The following ANKRD6 variants were observed in gnomAD, a reference collection of about 807,000 sequenced individuals.
ANKRD6 encodes ankyrin repeat domain-containing protein 6.
In ANKRD6, 56 loss-of-function variants were observed where a neutral mutation model predicts 82.3. The observed-to-expected ratio is 0.68, with a 90% confidence interval of 0.55 to 0.85. The LOEUF is 0.85. Among genes scored for constraint, ANKRD6 ranks in the 40% least tolerant of loss-of-function variants. The pLI, the probability that ANKRD6 is intolerant of heterozygous loss-of-function variation, is 0.00. For synonymous variants in ANKRD6, 347 were observed against 352.1 expected, an observed-to-expected ratio of 0.99 and a Z score of 0.16; for missense variants, 852 against 907.6, an observed-to-expected ratio of 0.94 and a Z score of 0.79.
At chr6:89,576,871 A>G (rs529009375) in intron 2 of ANKRD6, among the ~76,000 whole-genome samples, 2 of 151,990 alleles carry the variant, frequency 1.3e-5, no homozygotes, top group African/African-American at 4.8e-5. Flanking sequence ...CCATGTCTCC[A>G]TCTCCAGCTT....
chr6:89,619,542 T>G (rs1421984566), intron 9 of ANKRD6: 1 of 152,218 alleles, frequency 6.6e-6, no homozygotes, highest in Non-Finnish European at 1.5e-5. Context: ...CATTTCCCTG[T>G]GCAGTTCTTT....
chr6:89,452,229 T>C (rs1455793158), intron 1 of ANKRD6, among the ~76,000 whole-genome samples: 1 of 152,194 alleles, frequency 6.6e-6, no homozygotes, highest in African/African-American at 2.4e-5. Flanking sequence ...ACTAGCTAAG[T>C]AAATCGGATG....
intron 1 of ANKRD6, among the ~76,000 whole-genome samples, chr6:89,526,948 G>GCT (rs1782564184): frequency 6.6e-6 from 1 of 152,190 alleles, no homozygotes; most frequent in Non-Finnish European, 1.5e-5. Context: ...GTTGGATGAT[G>GCT]CTCACCTACA....
chr6:89,556,671 G>GC (rs1389781520), intron 1 of ANKRD6, among the ~76,000 whole-genome samples: 1 of 152,176 alleles, frequency 6.6e-6, no homozygotes, highest in Non-Finnish European at 1.5e-5. Context: ...TAAGGCAGTG[G>GC]CAGTACAGCT....
At chr6:89,484,308 G>C (rs1405982400) in intron 1 of ANKRD6, among the ~76,000 whole-genome samples, 2 of 152,124 alleles carry the variant, frequency 1.3e-5, no homozygotes, top group African/African-American at 4.8e-5. Context: ...CTTACCACAG[G>C]GTAGAGGATA....
chr6:89,488,304 G>A (rs1230117217), intron 1 of ANKRD6, among the ~76,000 whole-genome samples: 2 of 152,220 alleles, frequency 1.3e-5, no homozygotes, highest in East Asian at 3.8e-4. Flanking sequence ...ACATAATGAA[G>A]CTGGGTGTAG....
At chr6:89,435,654 T>A (rs552347416) in intron 1 of ANKRD6, among the ~76,000 whole-genome samples, 40 of 152,344 alleles carry the variant, frequency 2.6e-4, no homozygotes, top group African/African-American at 7.7e-4. Flanking sequence ...GTGTTCTGTC[T>A]GTGTAGGGGA....
At chr6:89,441,104 G>C (rs1201591190) in intron 1 of ANKRD6, among the ~76,000 whole-genome samples, 1 of 152,120 alleles carries the variant, frequency 6.6e-6, no homozygotes, top group Non-Finnish European at 1.5e-5. Flanking sequence ...GTGGCCCACT[G>C]TTACTTCACT....
At chr6:89,536,060 A>G (rs74714307) in intron 1 of ANKRD6, among the ~76,000 whole-genome samples, 383 of 152,324 alleles carry the variant, frequency 2.5e-3, no homozygotes, top group African/African-American at 8.6e-3. Flanking sequence ...TGGAAACACC[A>G]TCTCTACTAA....
At chr6:89,573,717 C>G (rs1167295954) in intron 2 of ANKRD6, among the ~76,000 whole-genome samples, 1 of 152,202 alleles carries the variant, frequency 6.6e-6, no homozygotes, top group Non-Finnish European at 1.5e-5. Flanking sequence ...GAAACCTAGG[C>G]AGAGAATTAT....
chr6:89,497,843 A>G (rs905240394), intron 1 of ANKRD6, among the ~76,000 whole-genome samples: 3 of 152,278 alleles, frequency 2.0e-5, no homozygotes, highest in East Asian at 1.9e-4. Context: ...CATTACTCCA[A>G]AAAGTTTCCT....
chr6:89,596,769 T>C (rs1308192538), intron 3 of ANKRD6, among the ~76,000 whole-genome samples: 1 of 152,228 alleles, frequency 6.6e-6, no homozygotes, highest in Non-Finnish European at 1.5e-5. Context: ...GGTGGTTCTC[T>C]AAGAAAGGAC....
At chr6:89,442,987 C>T (rs535426812) in intron 1 of ANKRD6, among the ~76,000 whole-genome samples, 7 of 152,130 alleles carry the variant, frequency 4.6e-5, no homozygotes, top group Non-Finnish European at 1.0e-4. Flanking sequence ...ATTTTCCCCC[C>T]ACAAAAGATG....
In ANKRD6 at chr6:89,480,643, G is replaced by GA. The variant is rs1004703037; in HGVS notation, c.-144+47278dup. Among the ~76,000 whole-genome samples the GA allele has an allele frequency of 2.2e-3, 323 of 147,118 alleles. 1 individual carries two copies. Among genetic ancestry groups the GA allele is most frequent in the African/African-American group, 7.1e-3 (286 of 40,236 alleles). ...TTAAAAATTTTACTTTTAAAAATCA[G>GA]AAAAAAAAAATGCAAAGTTGGCTAG... On this transcript the variant is annotated intron_variant, in intron 1 of 15. Coordinates refer to ENST00000339746, the MANE Select transcript of ANKRD6 (RefSeq NM_001242809.2).
At chr6:89,461,612 C>T (rs1419272756) in intron 1 of ANKRD6, among the ~76,000 whole-genome samples, 1 of 151,998 alleles carries the variant, frequency 6.6e-6, no homozygotes, top group Non-Finnish European at 1.5e-5. Context: ...AATAAAGAGG[C>T]TTTGGTATCA....
intron 1 of ANKRD6, among the ~76,000 whole-genome samples, chr6:89,453,327 A>G (rs895586288): frequency 1.3e-4 from 20 of 152,258 alleles, no homozygotes; most frequent in Admixed American, 3.9e-4. Context: ...TGTATAGGGA[A>G]ATGAAAACAT....
At chr6:89,496,429 C>T (rs1034163906) in intron 1 of ANKRD6, among the ~76,000 whole-genome samples, 12 of 152,092 alleles carry the variant, frequency 7.9e-5, no homozygotes, top group Non-Finnish European at 1.3e-4. Context: ...AGAGATATGC[C>T]GGTAGTACCG....
At position 89,629,253 on chromosome 6, in the gene ANKRD6, G is replaced by A. The variant is rs375255085; in HGVS notation, c.1612+15G>A. On this transcript the variant is annotated intron_variant, in intron 15 of 15. Transcript: ENST00000339746. ...GTCCTCTACAGGTAACCCACACACA[G>A]AGAGCCCTTTTGTCCAAAAGGAACA... 5 of 1,613,660 alleles carry A rather than the reference G, an allele frequency of 3.1e-6. No homozygotes were observed. Among genetic ancestry groups the A allele is most frequent in the Non-Finnish European group, 4.2e-6 (5 of 1,179,746 alleles).
chr6:89,581,196 C>A (rs1792439676), intron 2 of ANKRD6, among the ~76,000 whole-genome samples: 1 of 152,196 alleles, frequency 6.6e-6, no homozygotes, highest in Non-Finnish European at 1.5e-5. Context: ...TTGGCTTAAC[C>A]AATCCCCTAT....
Sources: gnomAD v4.1 joint callset for allele counts (sites outside exome capture counted in the v4.1 genomes callset) on GRCh38, gnomAD v4.1.1 for gene constraint, MANE v1.5 for transcripts, NCBI Gene and HGNC (gene_info 2026-07-23, HGNC 2026-07-21) for gene names.